SEC24A: variants seen among roughly 807,000 people sequenced by gnomAD.
SEC24A encodes protein transport protein Sec24A.
Under a neutral mutation model 129.4 loss-of-function variants are expected in SEC24A, and 93 were observed. The ratio of observed to expected loss-of-function variants is 0.72; its 90% CI spans 0.61 to 0.85. The LOEUF (loss-of-function observed/expected upper bound fraction) is 0.85, where lower values mean the gene tolerates loss of function less well. SEC24A is among the 40% of genes least tolerant of loss of function. The pLI, the probability that SEC24A is intolerant of heterozygous loss-of-function variation, is 0.00. For missense variants in SEC24A, 1,264 were observed against 1,307.4 expected (o/e 0.97, Z 0.51); for synonymous variants, 460 against 467.3 (o/e 0.98, Z 0.20).
At chr5:134,668,275 G>T (rs1750734836) in intron 3 of SEC24A, among the ~76,000 whole-genome samples, 1 of 151,964 alleles carries the variant, frequency 6.6e-6, no homozygotes, top group Admixed American at 6.6e-5. Context: ...ATTATAAGTC[G>T]GGAAAAGAAT....
Position 134,675,026 on chromosome 5 carries a change from T to C in SEC24A, c.979-19T>C, listed in dbSNP as rs1486189482. On this transcript the variant is annotated intron_variant, in intron 5 of 22. Transcript: ENST00000398844. ...CACACTTAATAAAAGTTACTTACTTTAAAATTATGTATCTGTAGACTCCCT... is the reference window on the plus strand; with the variant it reads ...CACACTTAATAAAAGTTACTTACTTCAAAATTATGTATCTGTAGACTCCCT... 6.5e-7 allele frequency: 1 copy of C among 1,546,542 alleles called. No individual in the cohort carries two copies. Among genetic ancestry groups the C allele is most frequent in the Non-Finnish European group, 8.7e-7 (1 of 1,142,918 alleles).
At chr5:134,702,082 A>C (rs977377798) in intron 15 of SEC24A, among the ~76,000 whole-genome samples, 3 of 152,194 alleles carry the variant, frequency 2.0e-5, no homozygotes, top group African/African-American at 7.2e-5. Context: ...GTGAGGAATT[A>C]TACCTGGCTT....
chr5:134,671,718 A>G (rs1049113088), intron 3 of SEC24A, 91 bp from the exon 4 acceptor site: 12 of 748,672 alleles, frequency 1.6e-5, no homozygotes, highest in African/African-American at 3.7e-5. Context: ...TTGTTTAGAA[A>G]ATTATTTAAA....
At chr5:134,671,629 C>T (rs2150079831) in intron 3 of SEC24A, among the ~76,000 whole-genome samples, 180 bp from the exon 4 acceptor site, 1 of 152,234 alleles carries the variant, frequency 6.6e-6, no homozygotes, top group African/African-American at 2.4e-5. Context: ...GAAGTTGCAG[C>T]TAAATTACTT....
intron 1 of SEC24A, 67 bp from the exon 2 acceptor site, chr5:134,661,052 T>G: frequency 2.7e-6 from 3 of 1,109,216 alleles, no homozygotes; most frequent in Non-Finnish European, 2.6e-6. Flanking sequence ...AATATATGTT[T>G]TACTTTATTT....
intron 15 of SEC24A, among the ~76,000 whole-genome samples, chr5:134,698,538 A>G (rs2150101120): frequency 6.7e-6 from 1 of 149,022 alleles, no homozygotes; most frequent in East Asian, 2.0e-4. Flanking sequence ...CTGGCCTGGG[A>G]GTCAGGTTGC....
chr5:134,658,264 CTGTCTCA>C (rs1356021771), intron 1 of SEC24A, among the ~76,000 whole-genome samples: 2 of 151,998 alleles, frequency 1.3e-5, no homozygotes, highest in Non-Finnish European at 2.9e-5. Context: ...GAGCGAGACT[CTGTCTCA>C]AAAAAAAATC....
intron 20 of SEC24A, among the ~76,000 whole-genome samples, chr5:134,719,492 G>A (rs1331962665): frequency 6.6e-6 from 1 of 151,784 alleles, no homozygotes; most frequent in African/African-American, 2.4e-5. Context: ...AGGAATTCGA[G>A]AACAGCCTGG....
At chr5:134,673,619 G>A (rs1218732702) in intron 4 of SEC24A, among the ~76,000 whole-genome samples, 2 of 151,700 alleles carry the variant, frequency 1.3e-5, no homozygotes, top group South Asian at 2.1e-4. Flanking sequence ...CACCACATCT[G>A]GGTAATTTTT....
In SEC24A at chr5:134,648,889, T is replaced by C; in HGVS notation, c.-188T>C. Reference sequence around the variant, plus strand: ...GACTCTCAAGCCTCAGCTCCCAGGCTAGGCTGTGGCCGCCGGTGGCCTGGG... The same window carrying C: ...GACTCTCAAGCCTCAGCTCCCAGGCCAGGCTGTGGCCGCCGGTGGCCTGGG... On this transcript the variant is annotated 5_prime_UTR_variant, in exon 1 of 23. Transcript: ENST00000398844. 1 of 473,118 alleles carries C rather than the reference T, an allele frequency of 2.1e-6. No homozygotes were observed. The highest frequency in any genetic ancestry group is 3.9e-6 in the Non-Finnish European group (1 of 255,500). 29.3% of individuals were successfully genotyped at this position (473,118 alleles called of 1,614,324 possible).
chr5:134,718,141 A>G lies in SEC24A; in HGVS notation c.2938A>G (p.Arg980Gly). Residue 980 changes from arginine (R) to glycine (G), a missense_variant, in exon 20 of 23, where the codon AGA becomes GGA. Coordinates refer to ENST00000398844, the MANE Select transcript of SEC24A (RefSeq NM_021982.3). ...ILQLSVEKLS[R>G]DGAFLMDAGS... ...TCAGCTTTCAGTGGAGAAGCTGAGC[A>G]GAGATGGAGCTTTCCTCATGGATGC... The G allele has an allele frequency of 1.2e-6, 2 of 1,614,114 alleles. No individual in the cohort carries two copies. Among genetic ancestry groups the G allele is most frequent in the Non-Finnish European group, 1.7e-6 (2 of 1,179,970 alleles).
intron 18 of SEC24A, among the ~76,000 whole-genome samples, chr5:134,714,215 T>C (rs1417233063): frequency 2.0e-5 from 3 of 152,152 alleles, no homozygotes; most frequent in African/African-American, 7.2e-5. Context: ...ATTGTTTGTA[T>C]GGTGGGAGAA....
intron 22 of SEC24A, 30 bp downstream of exon 22, chr5:134,723,700 A>G: frequency 7.2e-7 from 1 of 1,382,738 alleles, no homozygotes; most frequent in African/African-American, 1.4e-5. Context: ...TGCTAGTAGT[A>G]AAACAATTTG....
chr5:134,649,221 C>G (rs1474330617), intron 1 of SEC24A, 48 bp downstream of exon 1: 1 of 1,335,672 alleles, frequency 7.5e-7, no homozygotes, highest in Non-Finnish European at 1.0e-6. Context: ...GGCTGACTGA[C>G]CTTTGCGTGC....
At chr5:134,658,136 G>A (rs1048660482) in intron 1 of SEC24A, among the ~76,000 whole-genome samples, 1 of 152,000 alleles carries the variant, frequency 6.6e-6, no homozygotes, top group Non-Finnish European at 1.5e-5. Flanking sequence ...GCGTGGTGGT[G>A]CACACCTGTA....
chr5:134,677,658 T>C (rs1037106909), intron 7 of SEC24A, among the ~76,000 whole-genome samples: 2 of 151,500 alleles, frequency 1.3e-5, no homozygotes, highest in African/African-American at 2.4e-5. Flanking sequence ...GCCAACGTGG[T>C]GAAACTCGTC....
chr5:134,694,563 C>T (rs1435176959), intron 13 of SEC24A, among the ~76,000 whole-genome samples: 2 of 151,776 alleles, frequency 1.3e-5, no homozygotes, highest in African/African-American at 4.8e-5. Flanking sequence ...AGGAGAATGG[C>T]GTGAACCCGG....
chr5:134,655,650 A>G (rs1020626977), intron 1 of SEC24A, among the ~76,000 whole-genome samples: 1 of 152,178 alleles, frequency 6.6e-6, no homozygotes, highest in Non-Finnish European at 1.5e-5. Context: ...CCTGGGCGAC[A>G]GAGCAAGAAT....
intron 1 of SEC24A, among the ~76,000 whole-genome samples, chr5:134,651,427 T>C (rs1264185872): frequency 6.6e-6 from 1 of 151,038 alleles, no homozygotes; most frequent in Admixed American, 6.6e-5. Flanking sequence ...CCCGAGTAGC[T>C]GGGATTACAG....
Sources: allele counts gnomAD v4.1 joint callset (sites outside exome capture counted in the v4.1 genomes callset), GRCh38; gene constraint gnomAD v4.1.1; transcripts MANE v1.5; gene names NCBI Gene and HGNC (gene_info 2026-07-23, HGNC 2026-07-21).